The following AGBL4 variants were observed in gnomAD, a reference collection of about 807,000 sequenced individuals.
AGBL4 encodes the protein cytosolic carboxypeptidase 6.
AGBL4 carries 58 observed loss-of-function variants against 66.4 expected under a neutral mutation model. That is an observed-to-expected ratio of 0.87 (90% confidence interval 0.71 to 1.09). The LOEUF (loss-of-function observed/expected upper bound fraction) is 1.09, where lower values mean the gene tolerates loss of function less well. Ranked by LOEUF, AGBL4 falls within the 50% of genes least tolerant of loss-of-function variation. The pLI is 0.00. For missense variants in AGBL4, 579 were observed against 631.0 expected (o/e 0.92, Z 0.88); for synonymous variants, 234 against 222.9 (o/e 1.05, Z -0.44).
intron 2 of AGBL4, among the ~76,000 whole-genome samples, chr1:49,716,892 A>T (rs1396510926): frequency 6.6e-6 from 1 of 151,958 alleles, no homozygotes; most frequent in African/African-American, 2.4e-5. Flanking sequence ...CTCTCTCACC[A>T]CTCCTATTCA....
At chr1:48,546,864 A>ACACACAC (rs1553185398) in intron 11 of AGBL4, among the ~76,000 whole-genome samples, 4,329 of 128,310 alleles carry the variant, frequency 0.034, 103 homozygotes, top group African/African-American at 0.064. Context: ...AAAACAAACA[A>ACACACAC]ACACACACAC....
chr1:49,256,397 G>A lies in AGBL4; in HGVS notation c.283-10533C>T, dbSNP rs1394790936. 3.3e-5 allele frequency among the ~76,000 whole-genome samples: 5 copies of A among 152,092 alleles called. No individual in the cohort carries two copies. The East Asian group carries it at 9.6e-4, about 29-fold the overall frequency. On this transcript the variant is annotated intron_variant, in intron 3 of 13. Coordinates refer to ENST00000371839, the MANE Select transcript of AGBL4 (RefSeq NM_032785.4). ...TCAATTGTATATCTATATACTAACA[G>A]TAAACAATTAGAAAATAAAATTTTA... is the stretch of plus-strand genomic sequence containing the variant.
At chr1:49,648,092 A>T (rs1645926850) in intron 3 of AGBL4, among the ~76,000 whole-genome samples, 2 of 152,146 alleles carry the variant, frequency 1.3e-5, no homozygotes, top group South Asian at 4.1e-4. Context: ...TATAATTAAT[A>T]TGTTAAGAAT....
intron 1 of AGBL4, among the ~76,000 whole-genome samples, chr1:50,021,629 C>T (rs1557666064): frequency 6.6e-6 from 1 of 152,108 alleles, no homozygotes; most frequent in African/African-American, 2.4e-5. Context: ...ATTTTATCTC[C>T]TAAGTATTTC....
intron 2 of AGBL4, among the ~76,000 whole-genome samples, chr1:49,708,554 T>A (rs1043177519): frequency 1.3e-5 from 2 of 152,118 alleles, no homozygotes; most frequent in African/African-American, 4.8e-5. Context: ...CCTACTTCTG[T>A]CAATTCATCA....
intron 3 of AGBL4, among the ~76,000 whole-genome samples, chr1:49,261,178 T>C (rs1416421620): frequency 6.6e-6 from 1 of 151,638 alleles, no homozygotes; most frequent in African/African-American, 2.4e-5. Context: ...AAGAGCTATC[T>C]ATGACAAACC....
intron 3 of AGBL4, among the ~76,000 whole-genome samples, chr1:49,248,383 A>C (rs1316638849): frequency 6.6e-6 from 1 of 152,220 alleles, no homozygotes; most frequent in East Asian, 1.9e-4. Context: ...ATATTGATGC[A>C]TTATCTCATT....
intron 8 of AGBL4, among the ~76,000 whole-genome samples, chr1:48,636,725 C>G (rs1019969497): frequency 1.3e-5 from 2 of 152,168 alleles, no homozygotes; most frequent in African/African-American, 4.8e-5. Flanking sequence ...GAGAGAGAGC[C>G]CCACAGCCAC....
chr1:49,348,328 G>C (rs1020605898), intron 3 of AGBL4, among the ~76,000 whole-genome samples: 1 of 152,072 alleles, frequency 6.6e-6, no homozygotes, highest in Non-Finnish European at 1.5e-5. Context: ...TGAGGCAGGA[G>C]AATGGCATGA....
At chr1:48,868,618 T>A (rs1358207893) in intron 5 of AGBL4, among the ~76,000 whole-genome samples, 5 of 152,186 alleles carry the variant, frequency 3.3e-5, no homozygotes, top group African/African-American at 1.2e-4. Context: ...AATAAAAAGA[T>A]CTATGCAGTA....
intron 3 of AGBL4, among the ~76,000 whole-genome samples, chr1:49,496,232 G>A (rs1181233668): frequency 6.6e-6 from 1 of 151,950 alleles, no homozygotes; most frequent in Non-Finnish European, 1.5e-5. Flanking sequence ...ATTTAAAATG[G>A]AGTCTTTTTT....
At chr1:49,840,284 A>G (rs922926269) in intron 2 of AGBL4, among the ~76,000 whole-genome samples, 2 of 151,894 alleles carry the variant, frequency 1.3e-5, no homozygotes, top group African/African-American at 4.8e-5. Flanking sequence ...GTCTCTGGGG[A>G]TTTTTGTATT....
At chr1:48,863,551 G>A (rs980438748) in intron 6 of AGBL4, among the ~76,000 whole-genome samples, 2 of 152,048 alleles carry the variant, frequency 1.3e-5, no homozygotes, top group African/African-American at 2.4e-5. Flanking sequence ...AAATTATTAA[G>A]ATGATATGAA....
At chr1:49,116,876 G>C (rs1400806614) in intron 4 of AGBL4, among the ~76,000 whole-genome samples, 1 of 152,110 alleles carries the variant, frequency 6.6e-6, no homozygotes, top group Middle Eastern at 3.2e-3. Context: ...ATCCTCTCCA[G>C]CATCTGTTGT....
At chr1:49,843,765 CT>C (rs1013681664) in intron 2 of AGBL4, among the ~76,000 whole-genome samples, 2 of 152,008 alleles carry the variant, frequency 1.3e-5, no homozygotes, top group East Asian at 1.9e-4. Flanking sequence ...CCTGGCTTAC[CT>C]TTTTTTTAAA....
intron 6 of AGBL4, chr1:48,818,276 G>T: frequency 1.4e-6 from 1 of 717,200 alleles, no homozygotes. Context: ...TATTATCTCC[G>T]TGGCATCTAC....
intron 9 of AGBL4, among the ~76,000 whole-genome samples, chr1:48,616,054 C>T (rs1645312824): frequency 6.6e-6 from 1 of 152,128 alleles, no homozygotes; most frequent in African/African-American, 2.4e-5. Flanking sequence ...TCCTAAAGGG[C>T]CCACCTCTCA....
At chr1:48,739,410 G>T (rs555056124) in intron 6 of AGBL4, among the ~76,000 whole-genome samples, 6 of 152,108 alleles carry the variant, frequency 3.9e-5, no homozygotes, top group Admixed American at 1.3e-4. Flanking sequence ...GGCTTTGAAG[G>T]CCCATTAGAA....
At chr1:49,158,371 C>T (rs1229447222) in intron 4 of AGBL4, among the ~76,000 whole-genome samples, 7 of 150,800 alleles carry the variant, frequency 4.6e-5, no homozygotes. Flanking sequence ...GCAAAAAAAA[C>T]TATCATTGAG....
Sources: gnomAD v4.1 joint callset for allele counts (sites outside exome capture counted in the v4.1 genomes callset) on GRCh38, gnomAD v4.1.1 for gene constraint, MANE v1.5 for transcripts, NCBI Gene and HGNC (gene_info 2026-07-23, HGNC 2026-07-21) for gene names.